Variants in ANO3 observed in about 807,000 individuals in gnomAD.
The protein encoded by ANO3 is anoctamin 3.
In ANO3, 99 loss-of-function variants were observed where a neutral mutation model predicts 144.8. The ratio of observed to expected loss-of-function variants is 0.68; its 90% CI spans 0.58 to 0.81. The LOEUF (loss-of-function observed/expected upper bound fraction) is 0.81. Among genes scored for constraint, ANO3 ranks in the 30% least tolerant of loss-of-function variants. ANO3 has a pLI of 0.00. For missense variants in ANO3, 905 were observed against 1,202.2 expected (o/e 0.75, Z 3.66); for synonymous variants, 414 against 392.6 (o/e 1.05, Z -0.64).
At chr11:26,197,541 CG>C (rs1851614369) in intron 1 of ANO3, among the ~76,000 whole-genome samples, 1 of 151,888 alleles carries the variant, frequency 6.6e-6, no homozygotes, top group African/African-American at 2.4e-5. Context: ...TTAGTAGAGA[CG>C]GGGTTTCACC....
chr11:26,354,522 A>T (rs1159762969), intron 1 of ANO3, among the ~76,000 whole-genome samples: 1 of 152,180 alleles, frequency 6.6e-6, no homozygotes, highest in Non-Finnish European at 1.5e-5. Flanking sequence ...AAAAACAAAT[A>T]AACAAAAACC....
intron 1 of ANO3, among the ~76,000 whole-genome samples, chr11:26,359,326 G>A (rs745306811): frequency 6.6e-6 from 1 of 152,066 alleles, no homozygotes; most frequent in African/African-American, 2.4e-5. Flanking sequence ...CTTTTTTGGG[G>A]TCTCATGAAT....
At chr11:26,559,863 CA>C (rs1850216901) in intron 14 of ANO3, 84 bp downstream of exon 14, 13 of 911,402 alleles carry the variant, frequency 1.4e-5, no homozygotes, top group Middle Eastern at 3.3e-4. Flanking sequence ...CACACACACA[CA>C]CACACACACA....
intron 14 of ANO3, among the ~76,000 whole-genome samples, chr11:26,561,502 G>A (rs942336870): frequency 2.0e-5 from 3 of 151,956 alleles, no homozygotes; most frequent in African/African-American, 7.2e-5. Flanking sequence ...TCAATACCTT[G>A]CATAAAGAAG....
chr11:26,574,048 G>C (rs190882616), intron 14 of ANO3, among the ~76,000 whole-genome samples: 1 of 152,280 alleles, frequency 6.6e-6, no homozygotes, highest in East Asian at 1.9e-4. Context: ...TCCACAATGA[G>C]AGATAATTAC....
chr11:26,565,899 G>T (rs774311650), intron 14 of ANO3: 13 of 1,567,340 alleles, frequency 8.3e-6, no homozygotes, highest in Admixed American at 4.3e-5. Context: ...AAAGGAATCT[G>T]AAAGAAAATA....
chr11:26,572,971 A>C (rs1850884750), intron 14 of ANO3, among the ~76,000 whole-genome samples: 1 of 152,146 alleles, frequency 6.6e-6, no homozygotes, highest in South Asian at 2.1e-4. Flanking sequence ...TAAATACTAG[A>C]GTTGAATAAC....
chr11:26,529,148 A>ATTTTAT (rs1491164357), intron 7 of ANO3, among the ~76,000 whole-genome samples: 2 of 3,962 alleles, frequency 5.0e-4, no homozygotes, highest in Non-Finnish European at 1.2e-3. Context: ...ATTATATAAT[A>ATTTTAT]ATATATATTA....
intron 1 of ANO3, among the ~76,000 whole-genome samples, chr11:26,356,823 A>G (rs1855797412): frequency 6.6e-6 from 1 of 152,080 alleles, no homozygotes; most frequent in Non-Finnish European, 1.5e-5. Flanking sequence ...TGTATTTTTA[A>G]CTTGTGGCTG....
intron 1 of ANO3, among the ~76,000 whole-genome samples, chr11:26,377,370 G>A (rs897906062): frequency 2.6e-5 from 4 of 151,882 alleles, no homozygotes; most frequent in Non-Finnish European, 4.4e-5. Context: ...TAAAAAGAAG[G>A]AATTTGAAAA....
At chr11:26,578,790 A>G (rs781636637) in intron 14 of ANO3, among the ~76,000 whole-genome samples, 9 of 152,224 alleles carry the variant, frequency 5.9e-5, no homozygotes, top group Non-Finnish European at 7.3e-5. Flanking sequence ...TCCTGCTATT[A>G]GAAGAATTCT....
intron 1 of ANO3, among the ~76,000 whole-genome samples, chr11:26,386,237 C>A (rs1431470291): frequency 1.3e-5 from 2 of 152,024 alleles, no homozygotes; most frequent in Non-Finnish European, 2.9e-5. Flanking sequence ...GAACACAACC[C>A]AGTGAATAAG....
At chr11:26,550,175 T>A (rs1275382926) in intron 12 of ANO3, among the ~76,000 whole-genome samples, 1 of 151,696 alleles carries the variant, frequency 6.6e-6, no homozygotes, top group Non-Finnish European at 1.5e-5. Flanking sequence ...TATATGATTA[T>A]GATTAATATA....
At chr11:26,646,344 T>C (rs1364868767) in intron 23 of ANO3, among the ~76,000 whole-genome samples, 1 of 152,136 alleles carries the variant, frequency 6.6e-6, no homozygotes, top group Non-Finnish European at 1.5e-5. Flanking sequence ...AATATAAATA[T>C]GTACATAGTT....
At chr11:26,599,327 T>G (rs1851728150) in intron 16 of ANO3, among the ~76,000 whole-genome samples, 1 of 152,354 alleles carries the variant, frequency 6.6e-6, no homozygotes, top group East Asian at 1.9e-4. Context: ...AGAATTTGCA[T>G]GTTAGTGTGA....
chr11:26,391,099 G>A (rs1460002584), intron 1 of ANO3, among the ~76,000 whole-genome samples: 1 of 151,964 alleles, frequency 6.6e-6, no homozygotes, highest in East Asian at 1.9e-4. Context: ...TTGAGACTGG[G>A]ACATTTACGA....
intron 3 of ANO3, among the ~76,000 whole-genome samples, chr11:26,451,116 G>A (rs111517911): frequency 1.3e-5 from 2 of 152,174 alleles, no homozygotes; most frequent in Admixed American, 6.5e-5. Context: ...CAAGATGGCC[G>A]AATAGGAACC....
chr11:26,233,989 G>A (rs933712634), intron 1 of ANO3, among the ~76,000 whole-genome samples: 2 of 133,022 alleles, frequency 1.5e-5, no homozygotes, highest in African/African-American at 2.5e-5. Context: ...AATGCCTAAT[G>A]TATGCGGGGG....
At chr11:26,509,400 C>A (rs753330040) in intron 5 of ANO3, among the ~76,000 whole-genome samples, 11 of 152,146 alleles carry the variant, frequency 7.2e-5, no homozygotes, top group South Asian at 4.1e-4. Context: ...AATGCAACCT[C>A]TGCCTCCCGG....
Sources: allele counts gnomAD v4.1 joint callset (sites outside exome capture counted in the v4.1 genomes callset), GRCh38; gene constraint gnomAD v4.1.1; transcripts MANE v1.5; gene names NCBI Gene and HGNC (gene_info 2026-07-23, HGNC 2026-07-21).